Variants in RBMS1 observed in about 807,000 individuals in gnomAD.
The protein encoded by RBMS1 is RNA-binding motif, single-stranded-interacting protein 1.
RBMS1 carries 17 observed loss-of-function variants against 62.3 expected under a neutral mutation model. The observed-to-expected ratio is 0.27, with a 90% confidence interval of 0.19 to 0.41. The LOEUF is 0.41. RBMS1 is among the 10% of genes least tolerant of loss of function. RBMS1 has a pLI of 1.00. For missense variants in RBMS1, 334 were observed against 504.5 expected (o/e 0.66, Z 3.24); for synonymous variants, 172 against 170.0 (o/e 1.01, Z -0.09).
Position 160,287,497 on chromosome 2 carries a change from G to A in RBMS1, c.641-413C>T, listed in dbSNP as rs562354313. On this transcript the variant is annotated intron_variant, in intron 6 of 13. Transcript: ENST00000348849. ...GCGTCCCATTATAATTCCTAAGAGG[G>A]ACCCTTCACTTCTCCCAGTAGAAAA... Among the ~76,000 whole-genome samples the A allele has an allele frequency of 3.3e-5, 5 of 152,264 alleles. No homozygotes were observed. The South Asian group carries it at 1.0e-3, about 32-fold the overall frequency.
intron 1 of RBMS1, among the ~76,000 whole-genome samples, chr2:160,397,703 G>A (rs1426017178): frequency 1.3e-5 from 2 of 152,036 alleles, no homozygotes; most frequent in African/African-American, 4.8e-5. Context: ...TACACACACA[G>A]GACTCCACTG....
chr2:160,397,800 G>A (rs1396877962), intron 1 of RBMS1, among the ~76,000 whole-genome samples: 1 of 152,014 alleles, frequency 6.6e-6, no homozygotes, highest in African/African-American at 2.4e-5. Flanking sequence ...TTGACCTCTT[G>A]GCAACATTTA....
chr2:160,405,257 A>T (rs79434625), intron 1 of RBMS1, among the ~76,000 whole-genome samples: 5 of 149,156 alleles, frequency 3.4e-5, no homozygotes, highest in Admixed American at 6.7e-5. Flanking sequence ...CTTACATTCC[A>T]TTTTTTTTTT....
At chr2:160,306,884 A>C (rs1220601149) in intron 4 of RBMS1, among the ~76,000 whole-genome samples, 1 of 152,178 alleles carries the variant, frequency 6.6e-6, no homozygotes, top group Non-Finnish European at 1.5e-5. Context: ...TGACAACCAT[A>C]ACTGGTTTAT....
chr2:160,381,675 T>C (rs1404519785), intron 1 of RBMS1, among the ~76,000 whole-genome samples: 1 of 152,158 alleles, frequency 6.6e-6, no homozygotes, highest in Non-Finnish European at 1.5e-5. Context: ...CTGGGGGCTT[T>C]GTTTGATAGA....
chr2:160,418,237 T>G (rs1019277693), intron 1 of RBMS1, among the ~76,000 whole-genome samples: 2 of 152,204 alleles, frequency 1.3e-5, no homozygotes, highest in African/African-American at 4.8e-5. Context: ...GTCAAATGCA[T>G]GCATATACAC....
intron 1 of RBMS1, among the ~76,000 whole-genome samples, chr2:160,375,896 G>GAAAA (rs34226372): frequency 3.5e-4 from 44 of 126,988 alleles, no homozygotes; most frequent in African/African-American, 1.3e-3. Context: ...AAAATAAATG[G>GAAAA]AAAAAAAAAA....
Position 160,331,119 on chromosome 2 carries a change from T to C in RBMS1, c.252-12892A>G, listed in dbSNP as rs1027528794. The stretch of plus-strand genomic sequence containing the variant: ...AGGGAGCATGGCCCTGCTGACACCT[T>C]AATTTTGGATTTCTAGCCTCCACAA... On this transcript the variant is annotated intron_variant, in intron 2 of 13. Transcript: ENST00000348849. Among the ~76,000 whole-genome samples the C allele has an allele frequency of 2.0e-5, 3 of 152,120 alleles. No homozygotes were observed. In the South Asian group the frequency reaches 6.2e-4, roughly 32 times the overall value.
At chr2:160,459,012 T>C (rs1184193899) in intron 1 of RBMS1, among the ~76,000 whole-genome samples, 3 of 152,186 alleles carry the variant, frequency 2.0e-5, no homozygotes, top group Non-Finnish European at 4.4e-5. Flanking sequence ...AAATAGTTCC[T>C]TAGTTCAGGC....
intron 1 of RBMS1, among the ~76,000 whole-genome samples, chr2:160,376,613 C>A (rs983682065): frequency 6.6e-6 from 1 of 151,522 alleles, no homozygotes; most frequent in African/African-American, 2.4e-5. Context: ...CTATGTATTT[C>A]TTTTTTTTAT....
At chr2:160,436,623 A>G (rs1683121495) in intron 1 of RBMS1, among the ~76,000 whole-genome samples, 1 of 152,164 alleles carries the variant, frequency 6.6e-6, no homozygotes, top group Non-Finnish European at 1.5e-5. Flanking sequence ...TTTATTCTGA[A>G]TTTTAAAAGT....
At chr2:160,287,422 T>C (rs1688458017) in intron 6 of RBMS1, among the ~76,000 whole-genome samples, 1 of 152,176 alleles carries the variant, frequency 6.6e-6, no homozygotes, top group South Asian at 2.1e-4. Context: ...ATCTTCAAAT[T>C]CAATAGGATT....
chr2:160,424,537 G>A (rs886585277), intron 1 of RBMS1, among the ~76,000 whole-genome samples: 8 of 152,116 alleles, frequency 5.3e-5, no homozygotes, highest in Non-Finnish European at 1.2e-4. Flanking sequence ...CAAAGTGCAG[G>A]GGAATGAAGC....
At chr2:160,424,371 G>GT (rs970316487) in intron 1 of RBMS1, among the ~76,000 whole-genome samples, 7 of 150,768 alleles carry the variant, frequency 4.6e-5, no homozygotes, top group African/African-American at 1.2e-4. Context: ...AGATTGGGGG[G>GT]GGGGGGAAAC....
At chr2:160,289,082 T>C (rs1214465178) in intron 6 of RBMS1, among the ~76,000 whole-genome samples, 2 of 152,104 alleles carry the variant, frequency 1.3e-5, no homozygotes, top group African/African-American at 2.4e-5. Flanking sequence ...TCTAACACAT[T>C]TTCCTTCATC....
intron 9 of RBMS1, chr2:160,282,180 C>T (rs1688134230): frequency 8.1e-7 from 1 of 1,235,582 alleles, no homozygotes; most frequent in Non-Finnish European, 1.1e-6. Context: ...TGCATTTTAT[C>T]CCCTATTGTT....
At chr2:160,344,552 C>T (rs1487226834) in intron 2 of RBMS1, among the ~76,000 whole-genome samples, 1 of 152,076 alleles carries the variant, frequency 6.6e-6, no homozygotes, top group East Asian at 1.9e-4. Context: ...TATGGAAACA[C>T]CAATGGTTTC....
At chr2:160,320,550 G>C (rs1295513326) in intron 2 of RBMS1, among the ~76,000 whole-genome samples, 13 of 152,158 alleles carry the variant, frequency 8.5e-5, no homozygotes, top group Non-Finnish European at 1.5e-4. Flanking sequence ...GATCCCTCAT[G>C]AATAGCTTGG....
In RBMS1 at chr2:160,433,975, A is replaced by C. The variant is rs1683011756; in HGVS notation, c.75+59314T>G. Reference sequence around the variant, plus strand: ...ATTATGTGATAAGGACTCAGCTCCTAATCATTTTAATCTCACATTTTTATG... The same window carrying C: ...ATTATGTGATAAGGACTCAGCTCCTCATCATTTTAATCTCACATTTTTATG... On this transcript the variant is annotated intron_variant, in intron 1 of 13. Coordinates refer to ENST00000348849, the MANE Select transcript of RBMS1 (RefSeq NM_016836.4). Among the ~76,000 whole-genome samples, 3 of 152,344 alleles carry C rather than the reference A, an allele frequency of 2.0e-5. No homozygotes were observed. The South Asian group carries it at 6.2e-4, about 32-fold the overall frequency.
Sources: gnomAD v4.1 joint callset for allele counts (sites outside exome capture counted in the v4.1 genomes callset) on GRCh38, gnomAD v4.1.1 for gene constraint, MANE v1.5 for transcripts, NCBI Gene and HGNC (gene_info 2026-07-23, HGNC 2026-07-21) for gene names.